PTPN13: variants seen among roughly 807,000 people sequenced by gnomAD.
The protein encoded by PTPN13 is tyrosine-protein phosphatase non-receptor type 13.
In PTPN13, 191 loss-of-function variants were observed where a neutral mutation model predicts 284.0. The ratio of observed to expected loss-of-function variants is 0.67; its 90% CI spans 0.60 to 0.76. PTPN13 has a LOEUF of 0.76. Ranked by LOEUF, PTPN13 falls within the 30% of genes least tolerant of loss-of-function variation. PTPN13 has a pLI of 0.00. For synonymous variants in PTPN13, 986 were observed against 1,022.3 expected (o/e 0.96, Z 0.68); for missense variants, 2,797 against 2,939.9 (o/e 0.95, Z 1.12).
intron 1 of PTPN13, 114 bp from the exon 2 acceptor site, chr4:86,635,138 A>G: frequency 8.8e-7 from 1 of 1,131,830 alleles, no homozygotes; most frequent in South Asian, 1.7e-5. Context: ...AGCCATATTG[A>G]GAAATTAGGT....
At chr4:86,736,639 A>G (rs1008267264) in intron 15 of PTPN13, among the ~76,000 whole-genome samples, 1 of 152,210 alleles carries the variant, frequency 6.6e-6, no homozygotes, top group Non-Finnish European at 1.5e-5. Context: ...ACATTTTTAT[A>G]CTTGTAGAAA....
chr4:86,758,839 G>C, intron 22 of PTPN13, 54 bp downstream of exon 22: 1 of 1,591,464 alleles, frequency 6.3e-7, no homozygotes, highest in Non-Finnish European at 8.6e-7. Flanking sequence ...ATGAATTTAG[G>C]AACTTAGGCC....
chr4:86,724,022 G>A (rs1313138234), intron 10 of PTPN13, among the ~76,000 whole-genome samples: 2 of 152,226 alleles, frequency 1.3e-5, no homozygotes, highest in Non-Finnish European at 2.9e-5. Context: ...GGTGAAAATT[G>A]CATTGAACTA....
At chr4:86,659,626 G>A (rs953966781) in intron 2 of PTPN13, among the ~76,000 whole-genome samples, 4 of 152,070 alleles carry the variant, frequency 2.6e-5, no homozygotes, top group Admixed American at 1.3e-4. Flanking sequence ...GACCAGCCTG[G>A]CCAACATGGT....
At position 86,761,139 on chromosome 4, in the gene PTPN13, A is replaced by AATATATATATATATATAT. The variant is rs6148556; in HGVS notation, c.3554-1574_3554-1557dup. On this transcript the variant is annotated intron_variant, in intron 23 of 47. Transcript: ENST00000411767. ...TATATGTGATGTGTGTGTGTGTGTA[A>AATATATATATATATATAT]ATATATATATATATATATATATATA... Among the ~76,000 whole-genome samples the AATATATATATATATATAT allele has an allele frequency of 4.2e-3, 502 of 120,548 alleles. 4 individuals carry two copies. The highest frequency in any genetic ancestry group is 7.0e-3 in the East Asian group (27 of 3,876). The allele number at this position is 120,548 out of a possible 152,430, so 79.1% of individuals were successfully genotyped here.
intron 10 of PTPN13, among the ~76,000 whole-genome samples, chr4:86,729,716 T>G (rs1734724759): frequency 6.7e-6 from 1 of 149,716 alleles, no homozygotes; most frequent in Admixed American, 6.7e-5. Context: ...TTCTCTACAC[T>G]GTTTATTCTA....
Position 86,701,230 on chromosome 4 carries a change from TATC to T in PTPN13, c.635-8_635-6del. On this transcript the variant is annotated splice_region_variant and splice_polypyrimidine_tract_variant and intron_variant, in intron 6 of 47. Transcript: ENST00000411767. ...ATTGTGTGCATACATGATAGATTCTTATCATTCCAGGAAGAAGCTCTACTTCTG... is the reference window on the plus strand; with the variant it reads ...ATTGTGTGCATACATGATAGATTCTTATTCCAGGAAGAAGCTCTACTTCTG... 2 of 1,528,434 alleles carry T rather than the reference TATC, an allele frequency of 1.3e-6. No homozygotes were observed. The highest frequency in any genetic ancestry group is 2.6e-5 in the South Asian group (2 of 76,304). 94.7% of individuals were successfully genotyped at this position (1,528,434 alleles called of 1,614,324 possible).
intron 40 of PTPN13, 26 bp downstream of exon 40, chr4:86,785,962 G>C: frequency 7.8e-7 from 1 of 1,287,810 alleles, no homozygotes; most frequent in Non-Finnish European, 1.1e-6. Flanking sequence ...AAACAACCTA[G>C]GATATGACAG....
intron 1 of PTPN13, among the ~76,000 whole-genome samples, chr4:86,631,269 T>G (rs1005866820): frequency 6.6e-6 from 1 of 152,172 alleles, no homozygotes; most frequent in Non-Finnish European, 1.5e-5. Flanking sequence ...CAAGCTTTTT[T>G]CCCTCCATTT....
At chr4:86,794,712 G>A (rs1404969897) in intron 40 of PTPN13, among the ~76,000 whole-genome samples, 1 of 152,094 alleles carries the variant, frequency 6.6e-6, no homozygotes, top group Non-Finnish European at 1.5e-5. Context: ...AAAGACCAAT[G>A]GAACAGAACA....
At chr4:86,595,890 A>G (rs1763711346) in intron 1 of PTPN13, 3 of 484,132 alleles carry the variant, frequency 6.2e-6, no homozygotes, top group Non-Finnish European at 8.1e-6. Flanking sequence ...AAGCTTAGGT[A>G]TTTTCCTAAA....
intron 17 of PTPN13, among the ~76,000 whole-genome samples, chr4:86,749,242 T>G (rs1737124492): frequency 6.6e-6 from 1 of 152,136 alleles, no homozygotes; most frequent in Non-Finnish European, 1.5e-5. Flanking sequence ...GATATTTTCT[T>G]TCTTCCTTCT....
chr4:86,610,036 A>G (rs1490910695), intron 1 of PTPN13, among the ~76,000 whole-genome samples: 1 of 152,122 alleles, frequency 6.6e-6, no homozygotes, highest in Non-Finnish European at 1.5e-5. Context: ...CAACATGGTG[A>G]AACCCCATCT....
In PTPN13 at chr4:86,699,712, G is replaced by T. The variant is rs564218840; in HGVS notation, c.635-1529G>T. On this transcript the variant is annotated intron_variant, in intron 6 of 47. Coordinates refer to ENST00000411767, the MANE Select transcript of PTPN13 (RefSeq NM_080683.3). ...GTAGCAGGATAAGGCAGATGGTTAA[G>T]TTCATCTATGTGTGGTTTATGATCC... Among the ~76,000 whole-genome samples, 4 of 152,220 alleles carry T rather than the reference G, an allele frequency of 2.6e-5. No individual in the cohort carries two copies. The South Asian group carries it at 8.3e-4, about 32-fold the overall frequency.
intron 10 of PTPN13, among the ~76,000 whole-genome samples, chr4:86,729,968 A>G (rs1734751001): frequency 6.7e-6 from 1 of 148,836 alleles, no homozygotes; most frequent in Admixed American, 6.7e-5. Context: ...GGTTTTATTT[A>G]CCTTTGGTCT....
chr4:86,677,439 C>G (rs1461192133), intron 3 of PTPN13, among the ~76,000 whole-genome samples: 2 of 151,264 alleles, frequency 1.3e-5, no homozygotes, highest in Non-Finnish European at 2.9e-5. Flanking sequence ...CTCAGCCTCC[C>G]AAGTAGCTAG....
Position 86,785,257 on chromosome 4 carries a change from T to A in PTPN13, c.6145T>A (p.Tyr2049Asn), listed in dbSNP as rs1219186871. The A allele has an allele frequency of 6.3e-7, 1 of 1,575,984 alleles. No homozygotes were observed. The highest frequency in any genetic ancestry group is 1.4e-5 in the African/African-American group (1 of 73,798). ...KESYIQEDDI[Y>N]DDSQEAEVIQ... is the part of the protein sequence containing the mutation. Reference sequence around the variant, plus strand: ...ATCTTATATACAAGAAGATGACATTTATGATGATTCCCAAGAAGCTGAAGT... The same window carrying A: ...ATCTTATATACAAGAAGATGACATTAATGATGATTCCCAAGAAGCTGAAGT... Residue 2049 changes from tyrosine to asparagine, a missense_variant, in exon 39 of 48, where the codon TAT (tyrosine) becomes AAT (asparagine). Transcript: ENST00000411767.
chr4:86,638,650 C>T (rs1723353544), intron 2 of PTPN13, among the ~76,000 whole-genome samples: 1 of 152,130 alleles, frequency 6.6e-6, no homozygotes, highest in African/African-American at 2.4e-5. Context: ...AACTGGATCC[C>T]TTCCTTACAC....
rs1229145056 is a variant in PTPN13, at chr4:86,766,517, G to A, written c.4329G>A (p.Gln1443=). ...TGGAAACACTGAGAAATACAGGACA[G>A]GTAACAGATCATTATACCAACCTTT... The part of the protein sequence containing the change: ...QAVETLRNTG[Q]VVHLLLEKGQ... The change falls in exon 27 of 48, where the codon CAG becomes CAA. Residue 1443 remains glutamine (Q), a splice_region_variant and synonymous_variant. Transcript: ENST00000411767. 6 of 1,595,702 alleles carry A rather than the reference G, an allele frequency of 3.8e-6. No homozygotes were observed. Among genetic ancestry groups the A allele is most frequent in the Non-Finnish European group, 5.1e-6 (6 of 1,171,558 alleles).
Sources: gnomAD v4.1 joint callset for allele counts (sites outside exome capture counted in the v4.1 genomes callset) on GRCh38, gnomAD v4.1.1 for gene constraint, MANE v1.5 for transcripts, NCBI Gene and HGNC (gene_info 2026-07-23, HGNC 2026-07-21) for gene names.